KIAA1328: variants seen among roughly 807,000 people sequenced by gnomAD.
KIAA1328 encodes the protein protein hinderin.
Under a neutral mutation model 68.1 loss-of-function variants are expected in KIAA1328, and 52 were observed. The observed-to-expected ratio is 0.76, with a 90% CI of 0.61 to 0.96. The LOEUF (loss-of-function observed/expected upper bound fraction) is 0.96. Among genes scored for constraint, KIAA1328 ranks in the 40% least tolerant of loss-of-function variants. The pLI is 0.00. For synonymous variants in KIAA1328, 232 were observed against 239.4 expected (o/e 0.97, Z 0.28); for missense variants, 641 against 677.6 (o/e 0.95, Z 0.60).
intron 6 of KIAA1328, among the ~76,000 whole-genome samples, chr18:36,999,172 C>T (rs563555354): frequency 1.3e-5 from 2 of 152,000 alleles, no homozygotes; most frequent in African/African-American, 4.8e-5. Flanking sequence ...CTAAATCAGG[C>T]AGAAGGAACA....
chr18:36,981,138 A>G (rs899974958), intron 6 of KIAA1328, among the ~76,000 whole-genome samples: 1 of 152,198 alleles, frequency 6.6e-6, no homozygotes, highest in South Asian at 2.1e-4. Flanking sequence ...CCCATCAGCA[A>G]GAGAAAAATT....
rs184355380 is a variant in KIAA1328, at chr18:37,095,314, A to G, written c.1232+27769A>G. Among the ~76,000 whole-genome samples the G allele has an allele frequency of 3.2e-3, 488 of 152,360 alleles. 9 individuals carry two copies. Among genetic ancestry groups the G allele is most frequent in the Non-Finnish European group, 1.2e-3 (84 of 68,028 alleles). The stretch of plus-strand genomic sequence containing the variant: ...GTCAGCACACAGAACATTCTCCAGG[A>G]TAGACCATATAGTAGGCCACAAAAC... On this transcript the variant is annotated intron_variant, in intron 7 of 9. Coordinates refer to ENST00000280020, the MANE Select transcript of KIAA1328 (RefSeq NM_020776.3).
rs781714153 is a variant in KIAA1328 at position 36,834,352 on chromosome 18, C to T, written c.91C>T (p.Pro31Ser). 49 of 1,574,778 alleles carry T rather than the reference C, an allele frequency of 3.1e-5. No individual in the cohort carries two copies. Among genetic ancestry groups the T allele is most frequent in the Non-Finnish European group, 4.0e-5 (47 of 1,162,632 alleles). ...TGAAGAACAATCAGTAGTATACGTT[C>T]CAGGTATGATTTTCTATGTTAAAAT... The part of the protein sequence containing the change: ...SDEEQSVVYV[P>S]GISAEGNVRS... The change falls in exon 2 of 10, where the codon CCA becomes TCA. Residue 31 changes from proline to serine, a missense_variant. Pro to Ser is a moderately conservative substitution (Grantham distance 74). Coordinates refer to ENST00000280020, the MANE Select transcript of KIAA1328 (RefSeq NM_020776.3).
chr18:37,038,630 TAC>T (rs758411562), intron 6 of KIAA1328, among the ~76,000 whole-genome samples: 19 of 152,182 alleles, frequency 1.2e-4, no homozygotes, highest in Non-Finnish European at 2.1e-4. Flanking sequence ...TAGGATTTTC[TAC>T]ATAAAGGATT....
At chr18:37,018,475 G>A (rs1403607727) in intron 6 of KIAA1328, among the ~76,000 whole-genome samples, 1 of 152,098 alleles carries the variant, frequency 6.6e-6, no homozygotes, top group Admixed American at 6.6e-5. Context: ...TCTTCCAGGT[G>A]ATCTCTGGAT....
At chr18:36,865,949 T>C (rs550937604) in intron 4 of KIAA1328, among the ~76,000 whole-genome samples, 1 of 152,286 alleles carries the variant, frequency 6.6e-6, no homozygotes, top group South Asian at 2.1e-4. Flanking sequence ...GCTTTGTCAT[T>C]CCACATCAGA....
intron 7 of KIAA1328, chr18:37,075,457 G>C (rs1177570317): frequency 6.6e-6 from 1 of 152,158 alleles, no homozygotes; most frequent in Admixed American, 6.5e-5. Context: ...ACATCATAAT[G>C]ACAGGAACAA....
chr18:37,191,076 A>G (rs1025331126), intron 9 of KIAA1328, among the ~76,000 whole-genome samples: 1 of 152,270 alleles, frequency 6.6e-6, no homozygotes, highest in South Asian at 2.1e-4. Flanking sequence ...TTGTTTAACA[A>G]CAATCAATAT....
chr18:37,035,538 A>G (rs1032241003), intron 6 of KIAA1328, among the ~76,000 whole-genome samples: 7 of 152,210 alleles, frequency 4.6e-5, no homozygotes, highest in African/African-American at 1.7e-4. Context: ...ATTGGGGCAG[A>G]TAGGATTAGA....
intron 6 of KIAA1328, among the ~76,000 whole-genome samples, chr18:36,968,620 G>A (rs754983717): frequency 3.9e-5 from 6 of 152,070 alleles, no homozygotes; most frequent in African/African-American, 9.7e-5. Context: ...AACACAAGGC[G>A]ACCCAGATTC....
At chr18:37,114,680 A>C (rs1397094180) in intron 7 of KIAA1328, among the ~76,000 whole-genome samples, 1 of 152,242 alleles carries the variant, frequency 6.6e-6, no homozygotes, top group East Asian at 1.9e-4. Context: ...TGAAGGAGAC[A>C]GAGACACAAA....
At chr18:37,044,338 C>T (rs953115264) in intron 6 of KIAA1328, among the ~76,000 whole-genome samples, 1 of 151,964 alleles carries the variant, frequency 6.6e-6, no homozygotes, top group Non-Finnish European at 1.5e-5. Flanking sequence ...TCCGTCATCT[C>T]CCTTCCTTTA....
At chr18:37,027,523 T>C (rs1485646005) in intron 6 of KIAA1328, among the ~76,000 whole-genome samples, 6 of 152,148 alleles carry the variant, frequency 3.9e-5, no homozygotes, top group Admixed American at 3.9e-4. Flanking sequence ...AACAGAAATA[T>C]AGACCAATGC....
intron 5 of KIAA1328, among the ~76,000 whole-genome samples, chr18:36,938,460 A>G (rs536415175): frequency 2.8e-4 from 42 of 152,130 alleles, no homozygotes; most frequent in African/African-American, 9.2e-4. Flanking sequence ...TTTGCTTGCT[A>G]TTGAGTTGTT....
chr18:37,225,476 T>G (rs1010324185), downstream of KIAA1328: 4 of 252,788 alleles, frequency 1.6e-5, no homozygotes, highest in Non-Finnish European at 2.5e-5. Flanking sequence ...TGTCGTTGAC[T>G]GAGAGAAAGG....
At position 37,064,758 on chromosome 18, in the gene KIAA1328, A is replaced by G. The variant is rs971808513; in HGVS notation, c.577-2132A>G. On this transcript the variant is annotated intron_variant, in intron 6 of 9. Transcript: ENST00000280020. ...AGTGTGTGATGATGATGGAAGCAGGAGTTGGAGTGACACACCGTGAAGATG... is the reference window on the plus strand; with the variant it reads ...AGTGTGTGATGATGATGGAAGCAGGGGTTGGAGTGACACACCGTGAAGATG... 5.3e-5 allele frequency among the ~76,000 whole-genome samples: 8 copies of G among 152,120 alleles called. No individual in the cohort carries two copies. In the South Asian group the frequency reaches 1.7e-3, roughly 32 times the overall value.
At chr18:36,890,100 A>G (rs1274296599) in intron 5 of KIAA1328, among the ~76,000 whole-genome samples, 1 of 152,036 alleles carries the variant, frequency 6.6e-6, no homozygotes, top group Non-Finnish European at 1.5e-5. Context: ...GGCTTAGTAA[A>G]TTGAAGGGGT....
chr18:36,840,678 C>T (rs915145097), intron 3 of KIAA1328, among the ~76,000 whole-genome samples: 11 of 152,058 alleles, frequency 7.2e-5, no homozygotes, highest in Non-Finnish European at 1.6e-4. Flanking sequence ...GTCTTGAACT[C>T]CTGACCTCGT....
rs1599467604 is a variant in KIAA1328, at chr18:37,160,586, G to C, written c.1414+205G>C. Among the ~76,000 whole-genome samples, 5 of 152,294 alleles carry C rather than the reference G, an allele frequency of 3.3e-5. No homozygotes were observed. In the East Asian group the frequency reaches 9.6e-4, roughly 29 times the overall value. The stretch of plus-strand genomic sequence containing the variant: ...TCTTAGAATACTGGAATGAAAAACT[G>C]TATCCAACTTGTCCCTCTTTTTGCA... On this transcript the variant is annotated intron_variant, in intron 8 of 9. Coordinates refer to ENST00000280020, the MANE Select transcript of KIAA1328 (RefSeq NM_020776.3).
Sources: allele counts gnomAD v4.1 joint callset (sites outside exome capture counted in the v4.1 genomes callset), GRCh38; gene constraint gnomAD v4.1.1; transcripts MANE v1.5; gene names NCBI Gene and HGNC (gene_info 2026-07-23, HGNC 2026-07-21).